Variants in MACF1 observed in about 807,000 individuals in gnomAD.
The protein encoded by MACF1 is microtubule-actin cross-linking factor 1.
Under a neutral mutation model 854.8 loss-of-function variants are expected in MACF1, and 193 were observed. The ratio of observed to expected loss-of-function variants is 0.23; its 90% CI spans 0.20 to 0.25. The LOEUF (loss-of-function observed/expected upper bound fraction) is 0.25. Among genes scored for constraint, MACF1 ranks in the 10% least tolerant of loss-of-function variants. MACF1 has a pLI of 1.00. For synonymous variants in MACF1, 3,185 were observed against 3,226.7 expected (o/e 0.99, Z 0.44); for missense variants, 7,722 against 8,929.1 (o/e 0.86, Z 5.45).
At chr1:39,458,280 C>A in intron 89 of MACF1, 90 bp from the exon 90 acceptor site, 1 of 1,295,248 alleles carries the variant, frequency 7.7e-7, no homozygotes, top group Non-Finnish European at 1.1e-6. Flanking sequence ...CCACCACAGG[C>A]CGTAAAGTAC....
intron 6 of MACF1, among the ~76,000 whole-genome samples, chr1:39,258,607 A>G (rs1335049224): frequency 1.3e-5 from 2 of 152,202 alleles, no homozygotes; most frequent in Admixed American, 6.5e-5. Flanking sequence ...TCCTTTTTAG[A>G]TCTGAATTGC....
intron 97 of MACF1, among the ~76,000 whole-genome samples, chr1:39,474,994 A>G (rs950409635): frequency 2.0e-5 from 3 of 152,150 alleles, no homozygotes; most frequent in Non-Finnish European, 4.4e-5. Context: ...AAGGTTAGCG[A>G]CCAGATAAGA....
rs766939384 is a variant in MACF1 at position 39,205,059 on chromosome 1, A to G, written c.37A>G (p.Ile13Val). The G allele has an allele frequency of 1.3e-5, 9 of 702,788 alleles. No individual in the cohort carries two copies. The highest frequency in any genetic ancestry group is 7.4e-5 in the South Asian group (5 of 67,604). The allele number at this position is 702,788 out of a possible 1,614,324, so 43.5% of individuals were successfully genotyped here. ...AGATTCATCTTATTTACCACCAACC[A>G]TCTTTATTTTGACTCACGTTCTTGG... is the stretch of plus-strand genomic sequence containing the variant. The part of the protein sequence containing the change: ...LLDSSYLPPT[I>V]FILTHVLGVA... Residue 13 changes from isoleucine to valine, a missense_variant, in exon 1 of 101, where the codon ATC becomes GTC. Ile to Val is a conservative substitution (Grantham distance 29). This residue lies in a region of MACF1 where 22 missense variants were observed against 16.1 expected (regional missense o/e 1.37). Coordinates refer to ENST00000564288, the MANE Select transcript of MACF1 (RefSeq NM_001394062.1).
chr1:39,328,214 T>C (rs1210983419), intron 36 of MACF1, among the ~76,000 whole-genome samples: 5 of 152,164 alleles, frequency 3.3e-5, no homozygotes, highest in African/African-American at 4.8e-5. Context: ...CCAGCTATGA[T>C]TTGATGGTGT....
intron 1 of MACF1, among the ~76,000 whole-genome samples, chr1:39,209,953 G>C (rs1644496722): frequency 6.6e-6 from 1 of 152,068 alleles, no homozygotes; most frequent in African/African-American, 2.4e-5. Context: ...AGCTGGGTGT[G>C]GTGGTGTGCG....
chr1:39,264,274 T>G (rs1571235711), intron 6 of MACF1, among the ~76,000 whole-genome samples: 2 of 152,336 alleles, frequency 1.3e-5, no homozygotes, highest in African/African-American at 4.8e-5. Context: ...GTTATATACT[T>G]TCCTTCAGTT....
chr1:39,423,724 T>C (rs1265936875), intron 60 of MACF1, among the ~76,000 whole-genome samples: 2 of 152,086 alleles, frequency 1.3e-5, no homozygotes, highest in African/African-American at 4.8e-5. Flanking sequence ...TCAAGATAAT[T>C]AACATATTCA....
rs545301498 is a variant in MACF1 at position 39,450,321 on chromosome 1, G to A, written c.20259-731G>A. On this transcript the variant is annotated intron_variant, in intron 84 of 100. Transcript: ENST00000564288. ...GTACTCCAATTTTTTTTTTTTATGA[G>A]GTGACTGAGGTTCAAGGAGATGAAG... Among the ~76,000 whole-genome samples the A allele has an allele frequency of 5.3e-5, 8 of 150,514 alleles. No individual in the cohort carries two copies. The East Asian group carries it at 1.6e-3, about 29-fold the overall frequency.
intron 2 of MACF1, among the ~76,000 whole-genome samples, chr1:39,161,684 A>G (rs980455936): frequency 1.3e-5 from 2 of 151,836 alleles, no homozygotes; most frequent in African/African-American, 4.8e-5. Flanking sequence ...GGCCAATATG[A>G]TGAAACTCCG....
chr1:39,353,705 T>C (rs1647287214), intron 44 of MACF1, among the ~76,000 whole-genome samples: 1 of 152,216 alleles, frequency 6.6e-6, no homozygotes, highest in South Asian at 2.1e-4. Context: ...CTATTTCCTA[T>C]GATACTCCTC....
intron 15 of MACF1, 104 bp downstream of exon 15, chr1:39,287,666 T>A: frequency 8.2e-7 from 1 of 1,222,506 alleles, no homozygotes. Context: ...CAGATTCCCT[T>A]AATTATTATT....
chr1:39,430,644 A>C (rs773550991), intron 65 of MACF1, 58 bp from the exon 66 acceptor site: 1 of 1,362,890 alleles, frequency 7.3e-7, no homozygotes, highest in Non-Finnish European at 1.0e-6. Context: ...CACCCAGCAC[A>C]GTTGCTGATG....
intron 97 of MACF1, among the ~76,000 whole-genome samples, chr1:39,477,897 T>G (rs2124209172): frequency 6.6e-6 from 1 of 150,820 alleles, no homozygotes; most frequent in African/African-American, 2.4e-5. Flanking sequence ...ATGCCCTTCC[T>G]AAAACATTTA....
At chr1:39,482,382 G>A (rs542687810) in intron 99 of MACF1, among the ~76,000 whole-genome samples, 3 of 152,226 alleles carry the variant, frequency 2.0e-5, no homozygotes, top group South Asian at 4.2e-4. Flanking sequence ...ACAATGAGAT[G>A]GATTGCTTTT....
intron 58 of MACF1, among the ~76,000 whole-genome samples, chr1:39,392,476 GATAA>G (rs1308114217): frequency 6.6e-6 from 1 of 152,148 alleles, no homozygotes; most frequent in African/African-American, 2.4e-5. Flanking sequence ...CAAAGATGAA[GATAA>G]ATATTTTTAA....
intron 41 of MACF1, 129 bp downstream of exon 41, chr1:39,347,339 T>C: frequency 1.4e-6 from 1 of 714,812 alleles, no homozygotes; most frequent in South Asian, 1.6e-5. Flanking sequence ...TTTCATGTCA[T>C]GCAGGCCAGT....
chr1:39,341,525 G>A (rs892852040), intron 40 of MACF1, among the ~76,000 whole-genome samples: 3 of 151,038 alleles, frequency 2.0e-5, no homozygotes, highest in Non-Finnish European at 4.4e-5. Flanking sequence ...GTGAAACCCC[G>A]TCTCTATTAA....
rs772594733 is a variant in MACF1, at chr1:39,361,667, A to C, written c.12761A>C (p.Gln4254Pro). 1 of 1,614,154 alleles carries C rather than the reference A, an allele frequency of 6.2e-7. No homozygotes were observed. Among genetic ancestry groups the C allele is most frequent in the Non-Finnish European group, 8.5e-7 (1 of 1,179,980 alleles). Residue 4254 changes from glutamine to proline, a missense_variant, in exon 49 of 101, where the codon CAA becomes CCA. Coordinates refer to ENST00000564288, the MANE Select transcript of MACF1 (RefSeq NM_001394062.1). ...QPDQDITHFF[Q>P]QIQELNLEME... ...GATCAAGATATTACACATTTCTTCC[A>C]ACAGATCCAGGTGAGGATATATCTG...
chr1:39,330,198 T>A (rs1646693893), intron 36 of MACF1, among the ~76,000 whole-genome samples: 1 of 152,150 alleles, frequency 6.6e-6, no homozygotes, highest in Admixed American at 6.5e-5. Flanking sequence ...TAGGCAAGGG[T>A]CCCCAATCTG....
Sources: allele counts gnomAD v4.1 joint callset (sites outside exome capture counted in the v4.1 genomes callset), GRCh38; gene constraint gnomAD v4.1.1; regional missense constraint gnomAD v4.1.1; transcripts MANE v1.5; gene names NCBI Gene and HGNC (gene_info 2026-07-23, HGNC 2026-07-21).